MAPRE1: variants seen among roughly 807,000 people sequenced by gnomAD.
The protein encoded by MAPRE1 is microtubule associated protein RP/EB family member 1.
Under a neutral mutation model 32.1 loss-of-function variants are expected in MAPRE1, and 5 were observed. That is an observed-to-expected ratio of 0.16 (90% confidence interval 0.08 to 0.33). The LOEUF is 0.33. Ranked by LOEUF, MAPRE1 falls within the 10% of genes least tolerant of loss-of-function variation. The probability of loss-of-function intolerance (pLI) is 1.00; values close to 1 mark genes in which losing one functional copy is unlikely to be tolerated. For missense variants in MAPRE1, 209 were observed against 327.2 expected, an observed-to-expected ratio of 0.64 and a Z score of 2.79; for synonymous variants, 122 against 118.9, an observed-to-expected ratio of 1.03 and a Z score of -0.17.
At chr20:32,844,989 CTGTATGTATGTATGTA>C (rs35343459) in intron 5 of MAPRE1, among the ~76,000 whole-genome samples, 4,771 of 150,382 alleles carry the variant, frequency 0.032, 84 homozygotes, top group Non-Finnish European at 0.04. Flanking sequence ...AGTAGCTGTA[CTGTATGTATGTATGTA>C]TGTATGTATG....
At chr20:32,838,306 T>G (rs1983256768) in intron 4 of MAPRE1, among the ~76,000 whole-genome samples, 1 of 152,216 alleles carries the variant, frequency 6.6e-6, no homozygotes, top group Non-Finnish European at 1.5e-5. Flanking sequence ...ATCCATGCCC[T>G]AGCATGTATC....
intron 5 of MAPRE1, chr20:32,843,571 A>G (rs1568883023): frequency 3.3e-5 from 5 of 152,258 alleles, no homozygotes; most frequent in Admixed American, 3.3e-4. Context: ...TCTAATATGT[A>G]AAAAATAATA....
At chr20:32,825,284 C>T (rs2889704) in intron 1 of MAPRE1, among the ~76,000 whole-genome samples, 4,851 of 152,206 alleles carry the variant, frequency 0.032, 219 homozygotes, top group African/African-American at 0.1. Flanking sequence ...TATGCATCTG[C>T]CTCCCATCAT....
At chr20:32,825,106 C>T (rs1186786101) in intron 1 of MAPRE1, among the ~76,000 whole-genome samples, 1 of 148,688 alleles carries the variant, frequency 6.7e-6, no homozygotes, top group African/African-American at 2.5e-5. Context: ...GAGTTGAGAT[C>T]GTGCCATTGC....
chr20:32,832,930 G>A (rs1390062071), intron 2 of MAPRE1, among the ~76,000 whole-genome samples: 2 of 145,886 alleles, frequency 1.4e-5, no homozygotes, highest in Non-Finnish European at 3.0e-5. Flanking sequence ...GCAACAGAGC[G>A]AGACTCTGTC....
In MAPRE1 at chr20:32,826,080, G is replaced by A. The variant is rs373482984; in HGVS notation, c.121+32G>A. 3.9e-5 allele frequency: 60 copies of A among 1,557,384 alleles called. No homozygotes were observed. The East Asian group carries it at 1.2e-3, about 30-fold the overall frequency. ...GAAATCTGCTGGATCATTTTTCTAG[G>A]AAAGCCTGTAGGTTTTTCAGGAATG... is the stretch of plus-strand genomic sequence containing the variant. On this transcript the variant is annotated intron_variant, in intron 2 of 6. Coordinates refer to ENST00000375571, the MANE Select transcript of MAPRE1 (RefSeq NM_012325.3).
chr20:32,836,717 A>G lies in MAPRE1; in HGVS notation c.351A>G (p.Ala117=), dbSNP rs1033628493. 2.5e-6 allele frequency: 4 copies of G among 1,613,662 alleles called. No individual in the cohort carries two copies. Among genetic ancestry groups the G allele is most frequent in the Non-Finnish European group, 3.4e-6 (4 of 1,179,732 alleles). ...FVQWFKKFFD[A]NYDGKDYDPV... ...AGTGGTTCAAGAAGTTTTTCGATGC[A>G]AACTATGATGGAAAAGACTATGACC... The change falls in exon 4 of 7, where the codon GCA becomes GCG. Residue 117 remains alanine (A), a synonymous_variant. Coordinates refer to ENST00000375571, the MANE Select transcript of MAPRE1 (RefSeq NM_012325.3).
intron 2 of MAPRE1, among the ~76,000 whole-genome samples, chr20:32,826,305 T>A (rs1026197720): frequency 6.8e-6 from 1 of 146,860 alleles, no homozygotes; most frequent in African/African-American, 2.5e-5. Flanking sequence ...CAAGCTCCGC[T>A]TCCCGGGTTC....
chr20:32,843,043 G>A (rs796661626), intron 5 of MAPRE1: 53 of 152,342 alleles, frequency 3.5e-4, no homozygotes, highest in African/African-American at 1.3e-3. Flanking sequence ...CTAACCAGGT[G>A]CTTTGTTGAT....
At chr20:32,846,107 T>C (rs553303551) in intron 5 of MAPRE1, among the ~76,000 whole-genome samples, 1 of 152,342 alleles carries the variant, frequency 6.6e-6, no homozygotes, top group Non-Finnish European at 1.5e-5. Flanking sequence ...GCCTAAGGAC[T>C]GAGACAGATT....
chr20:32,841,409 G>C (rs1983357108), intron 5 of MAPRE1, among the ~76,000 whole-genome samples: 1 of 151,760 alleles, frequency 6.6e-6, no homozygotes, highest in Non-Finnish European at 1.5e-5. Flanking sequence ...TGCTCTCCGA[G>C]AGAGCGTGCC....
chr20:32,846,636 A>G lies in MAPRE1; in HGVS notation c.616A>G (p.Thr206Ala), dbSNP rs776809915. Residue 206 changes from threonine (T) to alanine (A), a missense_variant, in exon 6 of 7, where the codon ACT becomes GCT. Physicochemically the swap from Thr to Ala is moderately conservative, Grantham distance 58. Transcript: ENST00000375571. ...TGTGCAGGTCAACGTATTGAAACTTACTGTTGAAGACTTGGAGAAAGAGAG... is the reference window on the plus strand; with the variant it reads ...TGTGCAGGTCAACGTATTGAAACTTGCTGTTGAAGACTTGGAGAAAGAGAG... ...LMQQVNVLKL[T>A]VEDLEKERDF... 2.5e-6 allele frequency: 4 copies of G among 1,613,940 alleles called. No homozygotes were observed. The highest frequency in any genetic ancestry group is 2.5e-6 in the Non-Finnish European group (3 of 1,179,928).
At chr20:32,827,894 C>CAAA (rs397864779) in intron 2 of MAPRE1, among the ~76,000 whole-genome samples, 1 of 131,936 alleles carries the variant, frequency 7.6e-6, no homozygotes, top group Non-Finnish European at 1.6e-5. Flanking sequence ...GGCTCTGTCT[C>CAAA]AAAAAAAAAA....
At chr20:32,832,298 A>T (rs1983051267) in intron 2 of MAPRE1, among the ~76,000 whole-genome samples, 1 of 152,210 alleles carries the variant, frequency 6.6e-6, no homozygotes, top group Non-Finnish European at 1.5e-5. Flanking sequence ...AGTAAAGTAC[A>T]CAGTGAAGCC....
chr20:32,835,300 A>G (rs1041522529), intron 3 of MAPRE1, among the ~76,000 whole-genome samples: 2 of 151,698 alleles, frequency 1.3e-5, no homozygotes, highest in Non-Finnish European at 2.9e-5. Flanking sequence ...ATTCTTGTAT[A>G]ATAGAAATAC....
At chr20:32,839,910 G>A (rs113147667) in intron 5 of MAPRE1, 54 bp downstream of exon 5, 6 of 1,604,962 alleles carry the variant, frequency 3.7e-6, no homozygotes, top group Admixed American at 3.4e-5. Context: ...GGATCCTTGC[G>A]GTGGCCAGGG....
chr20:32,830,231 C>T (rs1359891224), intron 2 of MAPRE1, among the ~76,000 whole-genome samples: 1 of 152,080 alleles, frequency 6.6e-6, no homozygotes, highest in African/African-American at 2.4e-5. Context: ...ATGTGGGGCC[C>T]CGACAGCCCT....
intron 3 of MAPRE1, among the ~76,000 whole-genome samples, chr20:32,835,364 G>T (rs1298373905): frequency 4.0e-4 from 43 of 106,616 alleles, no homozygotes; most frequent in South Asian, 9.5e-4. Flanking sequence ...TTTTATTGGT[G>T]TTTTTTTTTT....
intron 2 of MAPRE1, among the ~76,000 whole-genome samples, chr20:32,832,807 CTTTTTTTTTTTT>C (rs35277682): frequency 5.1e-5 from 3 of 58,750 alleles, no homozygotes; most frequent in African/African-American, 7.7e-5. Context: ...CAGAGTTTCG[CTTTTTTTTTTTT>C]TTTTTTTTTT....
Sources: allele counts gnomAD v4.1 joint callset (sites outside exome capture counted in the v4.1 genomes callset), GRCh38; gene constraint gnomAD v4.1.1; transcripts MANE v1.5; gene names NCBI Gene and HGNC (gene_info 2026-07-23, HGNC 2026-07-21).